NRXN1: variants seen among roughly 807,000 people sequenced by gnomAD.
NRXN1 encodes the protein neurexin 1.
Under a neutral mutation model 150.9 loss-of-function variants are expected in NRXN1, and 39 were observed. That is an observed-to-expected ratio of 0.26 (90% confidence interval 0.20 to 0.34). NRXN1 has a LOEUF of 0.34. Among genes scored for constraint, NRXN1 ranks in the 10% least tolerant of loss-of-function variants. NRXN1 has a pLI of 1.00. For missense variants in NRXN1, 1,815 were observed against 1,949.9 expected (o/e 0.93, Z 1.30); for synonymous variants, 924 against 757.0 (o/e 1.22, Z -3.62).
intron 17 of NRXN1, among the ~76,000 whole-genome samples, chr2:50,415,708 C>A (rs1196374870): frequency 2.0e-5 from 3 of 152,058 alleles, no homozygotes; most frequent in Admixed American, 6.6e-5. Context: ...CTGTAAATAA[C>A]CACACATCAT....
chr2:50,373,715 A>AAG (rs2080276478), intron 17 of NRXN1, among the ~76,000 whole-genome samples: 2 of 147,444 alleles, frequency 1.4e-5, no homozygotes, highest in African/African-American at 2.5e-5. Flanking sequence ...AAGAAAGAGA[A>AAG]AGAAAGACAG....
At chr2:50,037,649 G>A (rs1690248885) in intron 21 of NRXN1, among the ~76,000 whole-genome samples, 2 of 152,156 alleles carry the variant, frequency 1.3e-5, no homozygotes, top group African/African-American at 4.8e-5. Flanking sequence ...GAATGACAAT[G>A]CAATAATGCA....
At chr2:50,911,886 A>C (rs1684575307) in intron 5 of NRXN1, among the ~76,000 whole-genome samples, 1 of 151,968 alleles carries the variant, frequency 6.6e-6, no homozygotes, top group African/African-American at 2.4e-5. Context: ...GAGCTCAGTG[A>C]CATCTTTACT....
chr2:50,300,901 G>T (rs1260155475), intron 17 of NRXN1, among the ~76,000 whole-genome samples: 2 of 152,054 alleles, frequency 1.3e-5, no homozygotes, highest in Non-Finnish European at 2.9e-5. Flanking sequence ...TCACCATGTT[G>T]GCCAGGCTGG....
intron 13 of NRXN1, among the ~76,000 whole-genome samples, chr2:50,505,611 T>C (rs10184361): frequency 0.043 from 6,512 of 152,274 alleles, 471 homozygotes; most frequent in African/African-American, 0.15. Context: ...GATACTCTTC[T>C]GCCCTGTAAA....
intron 5 of NRXN1, among the ~76,000 whole-genome samples, chr2:50,641,481 C>T (rs1229501669): frequency 6.6e-6 from 1 of 152,050 alleles, no homozygotes; most frequent in Non-Finnish European, 1.5e-5. Context: ...TCAAGGAAGG[C>T]ACCGAAGAAG....
rs2085127693 is a variant in NRXN1 at position 50,433,213 on chromosome 2, G to T, written c.3364+32229C>A. Among the ~76,000 whole-genome samples, 3 of 152,164 alleles carry T rather than the reference G, an allele frequency of 2.0e-5. No individual in the cohort carries two copies. In the South Asian group the frequency reaches 6.2e-4, roughly 31 times the overall value. ...CACTGAGTTAGTCAATCCCACTGCA[G>T]TCTTATTTCTAGACTTCTCATTAAG... On this transcript the variant is annotated intron_variant, in intron 17 of 22. Coordinates refer to ENST00000401669, the MANE Select transcript of NRXN1 (RefSeq NM_001330078.2).
chr2:50,965,317 G>A (rs1192071255), intron 2 of NRXN1, among the ~76,000 whole-genome samples: 1 of 151,094 alleles, frequency 6.6e-6, no homozygotes, highest in Non-Finnish European at 1.5e-5. Flanking sequence ...TATGAATGGG[G>A]AGTATTAGCT....
chr2:50,371,296 G>T (rs2080008599), intron 17 of NRXN1, among the ~76,000 whole-genome samples: 1 of 151,976 alleles, frequency 6.6e-6, no homozygotes, highest in African/African-American at 2.4e-5. Flanking sequence ...AGAACATGTT[G>T]CTTACACCCA....
intron 15 of NRXN1, among the ~76,000 whole-genome samples, chr2:50,490,451 G>A (rs1260562722): frequency 6.6e-6 from 1 of 152,136 alleles, no homozygotes; most frequent in Non-Finnish European, 1.5e-5. Context: ...GACTAAAGAA[G>A]TGAGCCTAGC....
chr2:50,371,602 C>A (rs2080030557), intron 17 of NRXN1, among the ~76,000 whole-genome samples: 2 of 151,908 alleles, frequency 1.3e-5, no homozygotes, highest in South Asian at 4.1e-4. Flanking sequence ...ATCCTGGGAT[C>A]TACGAATAAG....
intron 22 of NRXN1, among the ~76,000 whole-genome samples, chr2:49,930,934 A>G (rs1226616741): frequency 6.6e-6 from 1 of 152,234 alleles, no homozygotes; most frequent in Non-Finnish European, 1.5e-5. Context: ...GTTCAAGACC[A>G]GCCTGGGAAA....
At chr2:50,134,487 A>G (rs7581037) in intron 18 of NRXN1, among the ~76,000 whole-genome samples, 3,914 of 152,236 alleles carry the variant, frequency 0.026, 173 homozygotes, top group African/African-American at 0.089. Flanking sequence ...ACAAAGCTTT[A>G]TTAAGAAAGC....
intron 18 of NRXN1, among the ~76,000 whole-genome samples, chr2:50,147,091 G>A (rs749637282): frequency 1.3e-5 from 2 of 151,600 alleles, no homozygotes; most frequent in African/African-American, 2.4e-5. Flanking sequence ...TATAATAGTT[G>A]GCTATTTCAG....
At chr2:50,565,973 A>T (rs1308803949) in intron 8 of NRXN1, among the ~76,000 whole-genome samples, 2 of 152,126 alleles carry the variant, frequency 1.3e-5, no homozygotes, top group African/African-American at 2.4e-5. Flanking sequence ...TTCTTGGGAC[A>T]CCAGTGGATA....
At chr2:49,928,406 C>T (rs543686563) in intron 22 of NRXN1, among the ~76,000 whole-genome samples, 3 of 152,092 alleles carry the variant, frequency 2.0e-5, no homozygotes, top group African/African-American at 7.2e-5. Flanking sequence ...AAAGAGTTGC[C>T]TAAAATGATC....
At chr2:50,858,965 T>C (rs1464746739) in intron 5 of NRXN1, among the ~76,000 whole-genome samples, 1 of 151,956 alleles carries the variant, frequency 6.6e-6, no homozygotes, top group Non-Finnish European at 1.5e-5. Context: ...AGAGATAAAG[T>C]TTTGATGGAT....
chr2:50,389,842 C>T (rs945014487), intron 17 of NRXN1, among the ~76,000 whole-genome samples: 2 of 152,086 alleles, frequency 1.3e-5, no homozygotes, highest in South Asian at 4.1e-4. Flanking sequence ...ATAACCCAAA[C>T]CCCAGGGAAG....
At chr2:50,565,541 C>A (rs1317308925) in intron 8 of NRXN1, among the ~76,000 whole-genome samples, 1 of 151,894 alleles carries the variant, frequency 6.6e-6, no homozygotes, top group African/African-American at 2.4e-5. Context: ...TGACTGGGAA[C>A]CAAAAAATAT....
Sources: gnomAD v4.1 joint callset for allele counts (sites outside exome capture counted in the v4.1 genomes callset) on GRCh38, gnomAD v4.1.1 for gene constraint, MANE v1.5 for transcripts, NCBI Gene and HGNC (gene_info 2026-07-23, HGNC 2026-07-21) for gene names.